TTC38: variants seen among roughly 807,000 people sequenced by gnomAD.
TTC38 encodes tetratricopeptide repeat domain 38, also known as tetratricopeptide repeat protein 38.
Under a neutral mutation model 64.2 loss-of-function variants are expected in TTC38, and 64 were observed. That is an observed-to-expected ratio of 1.00 (90% CI 0.81 to 1.23). TTC38 has a LOEUF of 1.23. Ranked by LOEUF, TTC38 falls within the 50% of genes most tolerant of loss-of-function variation. The probability of loss-of-function intolerance (pLI) is 0.00; values close to 1 mark genes in which losing one functional copy is unlikely to be tolerated. For synonymous variants in TTC38, 254 were observed against 249.3 expected (o/e 1.02, Z -0.18); for missense variants, 573 against 615.5 (o/e 0.93, Z 0.73).
Position 46,276,858 on chromosome 22 carries a change from A to T in TTC38, c.539+1437A>T, listed in dbSNP as rs112929832. ...ATATATATAAACATATATATATATAAAAAATACTTTCACCGCAACACCTAG... is the reference window on the plus strand; with the variant it reads ...ATATATATAAACATATATATATATATAAAATACTTTCACCGCAACACCTAG... On this transcript the variant is annotated intron_variant, in intron 5 of 13. Coordinates refer to ENST00000381031, the MANE Select transcript of TTC38 (RefSeq NM_017931.4). This position sits in a 1 kb window ranked among gnomAD's most constrained non-coding sequence, Gnocchi z 4.7. 5.9e-4 allele frequency among the ~76,000 whole-genome samples: 85 copies of T among 143,902 alleles called. No homozygotes were observed. Among genetic ancestry groups the T allele is most frequent in the East Asian group, 2.2e-3 (11 of 5,116 alleles). The allele number at this position is 143,902 out of a possible 152,430, so 94.4% of individuals were successfully genotyped here. A position where few individuals can be genotyped will look rare whatever the true frequency, so the allele number is the denominator to read the frequency against.
chr22:46,278,514 T>C, intron 5 of TTC38, 72 bp from the exon 6 acceptor site: 4 of 1,326,166 alleles, frequency 3.0e-6, no homozygotes, highest in Non-Finnish European at 4.4e-6. Flanking sequence ...TCAGTGTATC[T>C]TTGCGGGGAC....
At position 46,271,363 on chromosome 22, in the gene TTC38, C is replaced by T. The variant is rs1936892770; in HGVS notation, c.112-972C>T. On this transcript the variant is annotated intron_variant, in intron 2 of 13. Coordinates refer to ENST00000381031, the MANE Select transcript of TTC38 (RefSeq NM_017931.4). The surrounding 1 kb of genome is among the most constrained non-coding windows in gnomAD (Gnocchi z 5.5). ...GAGTAGCTGGGATTACAGGCGCCCACCACCACACCCGGCTGATTTTTTGTA... is the reference window on the plus strand; with the variant it reads ...GAGTAGCTGGGATTACAGGCGCCCATCACCACACCCGGCTGATTTTTTGTA... 1.3e-5 allele frequency among the ~76,000 whole-genome samples: 2 copies of T among 152,064 alleles called. No homozygotes were observed.
At position 46,283,941 on chromosome 22, in the gene TTC38, T is replaced by C. The variant is rs191249636; in HGVS notation, c.736-32T>C. 2,158 of 1,553,412 alleles carry C rather than the reference T, an allele frequency of 1.4e-3. 34 individuals carry two copies. The Middle Eastern group carries it at 0.016, about 11-fold the overall frequency. On this transcript the variant is annotated intron_variant, in intron 7 of 13. Transcript: ENST00000381031. ...TTTTTTCCCATAGGCCTTCAGACTT[T>C]TCATAAATTCTCTTTTTTTTTTTTT... is the stretch of plus-strand genomic sequence containing the variant.
chr22:46,268,031 C>T lies in TTC38; in HGVS notation c.-9C>T, dbSNP rs1351171904. 8 of 1,537,754 alleles carry T rather than the reference C, an allele frequency of 5.2e-6. No homozygotes were observed. Among genetic ancestry groups the T allele is most frequent in the Non-Finnish European group, 7.0e-6 (8 of 1,148,400 alleles). On this transcript the variant is annotated 5_prime_UTR_variant, in exon 1 of 14. Transcript: ENST00000381031. ...CCAGAGCTCGCGGTGGACTCCGACC[C>T]GGCGCAACATGGCCGCAGCCTCGCC...
chr22:46,280,441 G>T (rs1199427667), intron 6 of TTC38, among the ~76,000 whole-genome samples: 1 of 152,228 alleles, frequency 6.6e-6, no homozygotes, highest in Non-Finnish European at 1.5e-5. Context: ...GAGGGAAGAT[G>T]CCAGTCAGCT....
chr22:46,284,868 C>CAAAAAAAA (rs130641), intron 8 of TTC38, among the ~76,000 whole-genome samples: 5 of 75,318 alleles, frequency 6.6e-5, no homozygotes, highest in Non-Finnish European at 1.2e-4. Flanking sequence ...GACCCCATCT[C>CAAAAAAAA]AAAAAAAAAA....
chr22:46,282,032 C>A lies in TTC38; in HGVS notation c.735+314C>A. The A allele has an allele frequency of 1.9e-6, 1 of 525,742 alleles. No individual in the cohort carries two copies. The highest frequency in any genetic ancestry group is 1.9e-5 in the African/African-American group (1 of 52,204). 32.6% of individuals were successfully genotyped at this position (525,742 alleles called of 1,614,324 possible). On this transcript the variant is annotated intron_variant, in intron 7 of 13. Transcript: ENST00000381031. This position sits in a 1 kb window ranked among gnomAD's most constrained non-coding sequence, Gnocchi z 4.4. The stretch of plus-strand genomic sequence containing the variant: ...ACATGAGCTGCACCATGACGGGGAC[C>A]CTCTGTGGGATGTGGAAACGCAGAG...
In TTC38 at chr22:46,273,173, G is replaced by A. The variant is rs915817768; in HGVS notation, c.194-725G>A. On this transcript the variant is annotated intron_variant, in intron 3 of 13. Coordinates refer to ENST00000381031, the MANE Select transcript of TTC38 (RefSeq NM_017931.4). This position sits in a 1 kb window ranked among gnomAD's most constrained non-coding sequence, Gnocchi z 5.1. Reference sequence around the variant, plus strand: ...GGAGCCAGGAGCCAGGGGTGGGCTCGGACTCTCTGAGCAGACCTTGAGCCC... The same window carrying A: ...GGAGCCAGGAGCCAGGGGTGGGCTCAGACTCTCTGAGCAGACCTTGAGCCC... Among the ~76,000 whole-genome samples, 2 of 152,192 alleles carry A rather than the reference G, an allele frequency of 1.3e-5. No homozygotes were observed. Among genetic ancestry groups the A allele is most frequent in the South Asian group, 2.1e-4 (1 of 4,832 alleles).
rs1304349159 is a variant in TTC38, at chr22:46,270,448, T to A, written c.111+1857T>A. On this transcript the variant is annotated intron_variant, in intron 2 of 13. Coordinates refer to ENST00000381031, the MANE Select transcript of TTC38 (RefSeq NM_017931.4). This position sits in a 1 kb window ranked among gnomAD's most constrained non-coding sequence, Gnocchi z 4.7. ...TAGGTTAGACAGCTGAAAGGGCATA[T>A]TTTAAAATCTAATGTGTGATTATAG... is the stretch of plus-strand genomic sequence containing the variant. 1.3e-5 allele frequency among the ~76,000 whole-genome samples: 2 copies of A among 150,080 alleles called. No homozygotes were observed. The highest frequency in any genetic ancestry group is 3.0e-5 in the Non-Finnish European group (2 of 67,304).
chr22:46,269,873 A>G (rs1446762900), intron 2 of TTC38, among the ~76,000 whole-genome samples: 1 of 152,146 alleles, frequency 6.6e-6, no homozygotes, highest in Non-Finnish European at 1.5e-5. Flanking sequence ...ACTCACTGCA[A>G]ACTCTGCCTC....
intron 13 of TTC38, 122 bp downstream of exon 13, chr22:46,290,021 T>A (rs2077602220): frequency 1.1e-6 from 1 of 894,828 alleles, no homozygotes; most frequent in Non-Finnish European, 1.8e-6. Flanking sequence ...GGCTGTGAGG[T>A]CGGGAGGCTG....
In TTC38 at chr22:46,278,586, C is replaced by T. The variant is rs944508767; in HGVS notation, c.540C>T (p.Ser180=). The T allele has an allele frequency of 3.7e-6, 6 of 1,613,548 alleles. No individual in the cohort carries two copies. Among genetic ancestry groups the T allele is most frequent in the Non-Finnish European group, 5.1e-6 (6 of 1,179,542 alleles). The change falls in exon 6 of 14, where the codon AGC becomes AGT. Residue 180 remains serine, a splice_region_variant and synonymous_variant. Coordinates refer to ENST00000381031, the MANE Select transcript of TTC38 (RefSeq NM_017931.4). ...CTGAGATCTTTTTTTCTGTTTTTAGCTATGTGAAAGGCATCTACTCTTTTG... is the reference window on the plus strand; with the variant it reads ...CTGAGATCTTTTTTTCTGTTTTTAGTTATGTGAAAGGCATCTACTCTTTTG... The part of the protein sequence containing the change: ...PFWTPDIPLS[S]YVKGIYSFGL...
At chr22:46,285,490 A>C (rs890777897) in intron 9 of TTC38, among the ~76,000 whole-genome samples, 1 of 151,834 alleles carries the variant, frequency 6.6e-6, no homozygotes, top group Non-Finnish European at 1.5e-5. Context: ...GCCCTGCTCA[A>C]CTCGAGGGTG....
In TTC38 at chr22:46,271,118, G is replaced by A. The variant is rs547277651; in HGVS notation, c.112-1217G>A. Among the ~76,000 whole-genome samples, 4 of 152,164 alleles carry A rather than the reference G, an allele frequency of 2.6e-5. No individual in the cohort carries two copies. Among genetic ancestry groups the A allele is most frequent in the South Asian group, 2.1e-4 (1 of 4,830 alleles). On this transcript the variant is annotated intron_variant, in intron 2 of 13. Coordinates refer to ENST00000381031, the MANE Select transcript of TTC38 (RefSeq NM_017931.4). This position sits in a 1 kb window ranked among gnomAD's most constrained non-coding sequence, Gnocchi z 5.5. ...TGTTTTCTGTGAATATTTTTAAAAC[G>A]AATGAATAAGAAGCAGGAATATTCC...
rs191958669 is a variant in TTC38, at chr22:46,273,655, C to T, written c.194-243C>T. Among the ~76,000 whole-genome samples, 1 of 152,328 alleles carries T rather than the reference C, an allele frequency of 6.6e-6. No individual in the cohort carries two copies. The highest frequency in any genetic ancestry group is 1.9e-4 in the East Asian group (1 of 5,176). ...AGGGGGAAGGTGCTTTAGACACTGG[C>T]ACTCAGCAGAATGCCCTCACTAGAA... On this transcript the variant is annotated intron_variant, in intron 3 of 13. Transcript: ENST00000381031. This position sits in a 1 kb window ranked among gnomAD's most constrained non-coding sequence, Gnocchi z 5.1.
chr22:46,281,831 C>G lies in TTC38; in HGVS notation c.735+113C>G, dbSNP rs2077537431. 7.1e-7 allele frequency: 1 copy of G among 1,416,886 alleles called. No homozygotes were observed. Among genetic ancestry groups the G allele is most frequent in the Non-Finnish European group, 9.8e-7 (1 of 1,019,364 alleles). 87.8% of individuals were successfully genotyped at this position (1,416,886 alleles called of 1,614,324 possible). On this transcript the variant is annotated intron_variant, in intron 7 of 13. Coordinates refer to ENST00000381031, the MANE Select transcript of TTC38 (RefSeq NM_017931.4). The surrounding 1 kb of genome is among the most constrained non-coding windows in gnomAD (Gnocchi z 5.2). ...GGCATGGCTTAATTCTCGGGGTTCC[C>G]TCTCCTCCTCCACCTGCACCTGCCT...
rs73886785 is a variant in TTC38 at position 46,272,754 on chromosome 22, C to A, written c.193+338C>A. On this transcript the variant is annotated intron_variant, in intron 3 of 13. Transcript: ENST00000381031. This position sits in a 1 kb window ranked among gnomAD's most constrained non-coding sequence, Gnocchi z 6.4. Reference sequence around the variant, plus strand: ...TTAAAGCCACCCAGCTGGTGGTTGACCCCTGGGATTAGATAAAGCTTCCTG... The same window carrying A: ...TTAAAGCCACCCAGCTGGTGGTTGAACCCTGGGATTAGATAAAGCTTCCTG... 2.9e-3 allele frequency among the ~76,000 whole-genome samples: 438 copies of A among 152,284 alleles called. 1 individual carries two copies. Among genetic ancestry groups the A allele is most frequent in the African/African-American group, 0.01 (416 of 41,562 alleles).
At chr22:46,286,399 A>G (rs1264698689) in intron 9 of TTC38, among the ~76,000 whole-genome samples, 1 of 152,126 alleles carries the variant, frequency 6.6e-6, no homozygotes, top group African/African-American at 2.4e-5. Flanking sequence ...GGTGGCTCAC[A>G]CATGTAATCC....
At chr22:46,278,789 G>C in intron 6 of TTC38, 128 bp downstream of exon 6, 2 of 798,312 alleles carry the variant, frequency 2.5e-6, no homozygotes, top group Non-Finnish European at 4.4e-6. Context: ...TCCTCAGAGA[G>C]ACTGGGGAGC....
Sources: allele counts gnomAD v4.1 joint callset (sites outside exome capture counted in the v4.1 genomes callset), GRCh38; gene constraint gnomAD v4.1.1; non-coding constraint Gnocchi (gnomAD v3.1); transcripts MANE v1.5; gene names NCBI Gene and HGNC (gene_info 2026-07-23, HGNC 2026-07-21).